RPS15: variants seen among roughly 807,000 people sequenced by gnomAD.
RPS15 encodes small ribosomal subunit protein uS19.
A neutral mutation model predicts 14.9 loss-of-function variants in RPS15; 5 were observed. The ratio of observed to expected loss-of-function variants is 0.34; its 90% CI spans 0.18 to 0.70. The LOEUF (loss-of-function observed/expected upper bound fraction) is 0.70. Among genes scored for constraint, RPS15 ranks in the 30% least tolerant of loss-of-function variants. RPS15 has a pLI of 0.65. For synonymous variants in RPS15, 103 were observed against 85.0 expected (o/e 1.21, Z -1.16); for missense variants, 102 against 204.2 (o/e 0.50, Z 3.05).
At chr19:1,439,093 C>T (rs2083632589) in intron 2 of RPS15, 2 of 554,390 alleles carry the variant, frequency 3.6e-6, no homozygotes, top group Non-Finnish European at 6.3e-6. Flanking sequence ...CAACCTGCCC[C>T]CCGTTGTTCA....
At position 1,438,781 on chromosome 19, in the gene RPS15, C is replaced by T; in HGVS notation, c.4-26C>T. On this transcript the variant is annotated intron_variant, in intron 1 of 3. Coordinates refer to ENST00000592588, the MANE Select transcript of RPS15 (RefSeq NM_001018.5). This position sits in a 1 kb window ranked among gnomAD's most constrained non-coding sequence, Gnocchi z 4.8. ...CCGGGAGATGGGTGTCGGGATCCCG[C>T]TGACGCCCGATCCGCGCCCGCACAG... 1.3e-6 allele frequency: 2 copies of T among 1,576,782 alleles called. No homozygotes were observed. The highest frequency in any genetic ancestry group is 1.7e-6 in the Non-Finnish European group (2 of 1,161,840).
At chr19:1,439,585 G>T in intron 2 of RPS15, 1 of 381,744 alleles carries the variant, frequency 2.6e-6, no homozygotes, top group East Asian at 5.1e-5. Context: ...TGTGGAAACA[G>T]CGTTTCTCTG....
chr19:1,438,465 A>G lies in RPS15; in HGVS notation c.3+37A>G, dbSNP rs777093097. 3.7e-6 allele frequency: 6 copies of G among 1,613,076 alleles called. No individual in the cohort carries two copies. The East Asian group carries it at 8.9e-5, about 24-fold the overall frequency. On this transcript the variant is annotated intron_variant, in intron 1 of 3. Transcript: ENST00000592588. This position sits in a 1 kb window ranked among gnomAD's most constrained non-coding sequence, Gnocchi z 4.8. Reference sequence around the variant, plus strand: ...GATTTGGCGCGTCTCTGCCGGGCCTATCCGGCTCCATCCAACCTCTGACCG... The same window carrying G: ...GATTTGGCGCGTCTCTGCCGGGCCTGTCCGGCTCCATCCAACCTCTGACCG...
chr19:1,440,342 C>T lies in RPS15; in HGVS notation c.325-7C>T, dbSNP rs756367394. The T allele has an allele frequency of 1.8e-5, 29 of 1,613,514 alleles. No homozygotes were observed. Among genetic ancestry groups the T allele is most frequent in the Non-Finnish European group, 2.5e-5 (29 of 1,179,646 alleles). On this transcript the variant is annotated splice_region_variant and splice_polypyrimidine_tract_variant and intron_variant, in intron 3 of 3. Transcript: ENST00000592588. The stretch of plus-strand genomic sequence containing the variant: ...TGACACCCAGCTTTGCTCTTGGTCT[C>T]CCGCAGCCCGAGATGATCGGCCACT...
At chr19:1,439,210 TG>T (rs563635553) in intron 2 of RPS15, 31 of 351,050 alleles carry the variant, frequency 8.8e-5, no homozygotes, top group African/African-American at 5.2e-4. Context: ...TGGAGGTCGC[TG>T]GGTCCTTTCC....
intron 2 of RPS15, 169 bp from the exon 3 acceptor site, chr19:1,439,850 G>A: frequency 1.5e-6 from 1 of 663,674 alleles, no homozygotes; most frequent in South Asian, 1.6e-5. Context: ...ATCTGGCGGG[G>A]GTGCCAGAGG....
chr19:1,440,307 C>T (rs767487024), intron 3 of RPS15, 42 bp from the exon 4 acceptor site: 51 of 1,609,000 alleles, frequency 3.2e-5, no homozygotes, highest in East Asian at 1.1e-4. Flanking sequence ...CTGATGCAGG[C>T]GGGATCAGCT....
At chr19:1,439,054 C>G in intron 2 of RPS15, 162 bp downstream of exon 2, 2 of 613,536 alleles carry the variant, frequency 3.3e-6, no homozygotes, top group East Asian at 3.0e-5. Context: ...AGAAAACTGT[C>G]CAGAGACGTT....
At position 1,438,419 on chromosome 19, in the gene RPS15, C is replaced by T. The variant is rs368189500; in HGVS notation, c.-7C>T. ...ACCAAAGCGATCTCTTCTGAGGATCCGGCAAGATGGTGAGTGTTGCGATTT... is the reference window on the plus strand; with the variant it reads ...ACCAAAGCGATCTCTTCTGAGGATCTGGCAAGATGGTGAGTGTTGCGATTT... On this transcript the variant is annotated 5_prime_UTR_variant, in exon 1 of 4. Coordinates refer to ENST00000592588, the MANE Select transcript of RPS15 (RefSeq NM_001018.5). This position sits in a 1 kb window ranked among gnomAD's most constrained non-coding sequence, Gnocchi z 4.8. 3.7e-6 allele frequency: 6 copies of T among 1,613,338 alleles called. No individual in the cohort carries two copies. The African/African-American group carries it at 4.0e-5, about 11-fold the overall frequency.
At position 1,438,989 on chromosome 19, in the gene RPS15, CG is replaced by C; in HGVS notation, c.89+99del. 1.8e-6 allele frequency: 1 copy of C among 564,210 alleles called. No individual in the cohort carries two copies. The highest frequency in any genetic ancestry group is 3.0e-6 in the Non-Finnish European group (1 of 331,056). 35.0% of individuals were successfully genotyped at this position (564,210 alleles called of 1,614,324 possible). A position where few individuals can be genotyped will look rare whatever the true frequency, so the allele number is the denominator to read the frequency against. On this transcript the variant is annotated intron_variant, in intron 2 of 3. Coordinates refer to ENST00000592588, the MANE Select transcript of RPS15 (RefSeq NM_001018.5). The surrounding 1 kb of genome is among the most constrained non-coding windows in gnomAD (Gnocchi z 4.8). ...GGCGGGGGTCCAAGCGCCTCTGCGG[CG>C]GTGGGCGGGCACGGTCTCCGCGCGG...
rs1268019040 is a variant in RPS15 at position 1,438,629 on chromosome 19, T to C, written c.4-178T>C. ...CTGGGAAGGCCTGTCCGGGCCTTCA[T>C]GTCCGGGTCCTCGTAACCCGGAGCC... On this transcript the variant is annotated intron_variant, in intron 1 of 3. Transcript: ENST00000592588. This position sits in a 1 kb window ranked among gnomAD's most constrained non-coding sequence, Gnocchi z 4.8. The C allele has an allele frequency of 6.5e-7, 1 of 1,533,330 alleles. No homozygotes were observed. Among genetic ancestry groups the C allele is most frequent in the Middle Eastern group, 1.7e-4 (1 of 5,788 alleles). The allele number at this position is 1,533,330 out of a possible 1,614,324, so 95.0% of individuals were successfully genotyped here.
At position 1,438,872 on chromosome 19, in the gene RPS15, C is replaced by T. The variant is rs916819537; in HGVS notation, c.69C>T (p.Asp23=). The T allele has an allele frequency of 5.7e-6, 9 of 1,588,266 alleles. No individual in the cohort carries two copies. The highest frequency in any genetic ancestry group is 1.3e-5 in the African/African-American group (1 of 74,236). ...RKFTYRGVDL[D]QLLDMSYEQL... ...TCACCTACCGCGGCGTGGACCTCGA[C>T]CAGCTGCTGGACATGTCCTAGTAAG... is the stretch of plus-strand genomic sequence containing the variant. The change falls in exon 2 of 4, where the codon GAC becomes GAT. Residue 23 remains aspartate, a synonymous_variant. Coordinates refer to ENST00000592588, the MANE Select transcript of RPS15 (RefSeq NM_001018.5). This position sits in a 1 kb window ranked among gnomAD's most constrained non-coding sequence, Gnocchi z 4.8.
At chr19:1,439,584 A>G (rs973550752) in intron 2 of RPS15, 8 of 372,396 alleles carry the variant, frequency 2.1e-5, no homozygotes, top group African/African-American at 1.6e-4. Context: ...TTGTGGAAAC[A>G]GCGTTTCTCT....
intron 2 of RPS15, chr19:1,439,767 T>C: frequency 1.6e-6 from 1 of 613,526 alleles, no homozygotes; most frequent in East Asian, 2.7e-5. Context: ...GGCTGTGGTC[T>C]CCGGGCCGCT....
chr19:1,438,422 C>T lies in RPS15; in HGVS notation c.-4C>T, dbSNP rs772553762. 6.2e-7 allele frequency: 1 copy of T among 1,613,460 alleles called. No homozygotes were observed. The highest frequency in any genetic ancestry group is 1.1e-5 in the South Asian group (1 of 91,082). ...AAAGCGATCTCTTCTGAGGATCCGGCAAGATGGTGAGTGTTGCGATTTGGC... is the reference window on the plus strand; with the variant it reads ...AAAGCGATCTCTTCTGAGGATCCGGTAAGATGGTGAGTGTTGCGATTTGGC... On this transcript the variant is annotated 5_prime_UTR_variant, in exon 1 of 4. Transcript: ENST00000592588. This position sits in a 1 kb window ranked among gnomAD's most constrained non-coding sequence, Gnocchi z 4.8.
chr19:1,438,437 T>G lies in RPS15; in HGVS notation c.3+9T>G. ...GAGGATCCGGCAAGATGGTGAGTGT[T>G]GCGATTTGGCGCGTCTCTGCCGGGC... On this transcript the variant is annotated intron_variant, in intron 1 of 3. Transcript: ENST00000592588. The surrounding 1 kb of genome is among the most constrained non-coding windows in gnomAD (Gnocchi z 4.8). 6.2e-7 allele frequency: 1 copy of G among 1,613,402 alleles called. No homozygotes were observed. The highest frequency in any genetic ancestry group is 8.5e-7 in the Non-Finnish European group (1 of 1,179,888).
At chr19:1,439,262 T>G in intron 2 of RPS15, 1 of 230,306 alleles carries the variant, frequency 4.3e-6, no homozygotes. Context: ...GCTTTTATTT[T>G]TTAATTTTTG....
At chr19:1,439,889 A>G in intron 2 of RPS15, 130 bp from the exon 3 acceptor site, 1 of 788,694 alleles carries the variant, frequency 1.3e-6, no homozygotes, top group Admixed American at 2.0e-5. Context: ...TAGTCACTAC[A>G]ATGGACAGTG....
rs763015866 is a variant in RPS15, at chr19:1,438,573, C to T, written c.3+145C>T. On this transcript the variant is annotated intron_variant, in intron 1 of 3. Coordinates refer to ENST00000592588, the MANE Select transcript of RPS15 (RefSeq NM_001018.5). The surrounding 1 kb of genome is among the most constrained non-coding windows in gnomAD (Gnocchi z 4.8). The stretch of plus-strand genomic sequence containing the variant: ...GGCGGCTGGATGTTGGGGCGAGGGG[C>T]GGACTTGGTGGGTGTCGGGACGACG... The T allele has an allele frequency of 1.3e-6, 2 of 1,561,350 alleles. No homozygotes were observed. The highest frequency in any genetic ancestry group is 4.8e-5 in the East Asian group (2 of 41,362).
Sources: gnomAD v4.1 joint callset for allele counts on GRCh38, gnomAD v4.1.1 for gene constraint, Gnocchi (gnomAD v3.1) non-coding constraint, MANE v1.5 for transcripts, NCBI Gene and HGNC (gene_info 2026-07-23, HGNC 2026-07-21) for gene names.